The following TRIM9 variants were observed in gnomAD, a reference collection of about 807,000 sequenced individuals.
TRIM9 encodes tripartite motif containing 9, also known as E3 ubiquitin-protein ligase TRIM9.
A neutral mutation model predicts 78.3 loss-of-function variants in TRIM9; 26 were observed. The observed-to-expected ratio is 0.33, with a 90% CI of 0.24 to 0.46. The LOEUF (loss-of-function observed/expected upper bound fraction) is 0.46. TRIM9 is among the 20% of genes least tolerant of loss of function. The pLI is 1.00. For synonymous variants in TRIM9, 398 were observed against 416.5 expected (o/e 0.96, Z 0.54); for missense variants, 787 against 1,036.4 (o/e 0.76, Z 3.30).
At chr14:50,982,848 CGA>C (rs983699591) in intron 10 of TRIM9, 92 bp downstream of exon 10, 152 of 1,203,578 alleles carry the variant, frequency 1.3e-4, no homozygotes, top group Admixed American at 4.7e-4. Flanking sequence ...ATATCACACT[CGA>C]GAGATGTAAT....
At chr14:51,059,753 G>T (rs368713100) in intron 1 of TRIM9, among the ~76,000 whole-genome samples, 4 of 149,828 alleles carry the variant, frequency 2.7e-5, no homozygotes, top group Non-Finnish European at 4.4e-5. Flanking sequence ...AGCCAAGATC[G>T]TGCCACTGCA....
intron 1 of TRIM9, among the ~76,000 whole-genome samples, chr14:51,040,916 A>G (rs1209713804): frequency 6.6e-6 from 1 of 152,230 alleles, no homozygotes; most frequent in African/African-American, 2.4e-5. Flanking sequence ...CTGGCAAAGG[A>G]GAAACTCTCT....
At chr14:51,035,077 T>C (rs576021515) in intron 1 of TRIM9, among the ~76,000 whole-genome samples, 1 of 152,334 alleles carries the variant, frequency 6.6e-6, no homozygotes, top group Non-Finnish European at 1.5e-5. Flanking sequence ...AATAGATATA[T>C]GACATGACAA....
chr14:50,998,196 T>A lies in TRIM9; in HGVS notation c.1465-8A>T, dbSNP rs2054470711. 6.2e-7 allele frequency: 1 copy of A among 1,613,684 alleles called. No homozygotes were observed. Among genetic ancestry groups the A allele is most frequent in the African/African-American group, 1.3e-5 (1 of 74,844 alleles). On this transcript the variant is annotated splice_polypyrimidine_tract_variant and splice_region_variant and intron_variant, in intron 6 of 12. Transcript: ENST00000684578. ...CTTCCCCACATACACCTCCTGAGAG[T>A]CAGCAAAGAACAGGACAGCACTTAG...
intron 7 of TRIM9, among the ~76,000 whole-genome samples, chr14:50,992,220 G>A (rs2053602688): frequency 6.6e-6 from 1 of 152,196 alleles, no homozygotes; most frequent in African/African-American, 2.4e-5. Flanking sequence ...CAAGGTGACA[G>A]CATTTCTGGA....
chr14:51,007,993 A>AC (rs1343036952), intron 5 of TRIM9, among the ~76,000 whole-genome samples: 1 of 152,172 alleles, frequency 6.6e-6, no homozygotes, highest in Non-Finnish European at 1.5e-5. Context: ...TAAGAAACAA[A>AC]CCTTTTAAAG....
intron 7 of TRIM9, among the ~76,000 whole-genome samples, chr14:50,992,998 G>C (rs756906479): frequency 3.9e-4 from 60 of 152,122 alleles, no homozygotes; most frequent in Admixed American, 7.2e-4. Context: ...TCCCAGTTAG[G>C]ACAGGCAGGG....
At chr14:50,998,859 A>G (rs535067608) in intron 6 of TRIM9, among the ~76,000 whole-genome samples, 8 of 152,348 alleles carry the variant, frequency 5.3e-5, no homozygotes, top group African/African-American at 1.7e-4. Flanking sequence ...AGCTGTACAC[A>G]TTGCAAAATT....
intron 5 of TRIM9, among the ~76,000 whole-genome samples, chr14:51,001,472 G>A (rs944689213): frequency 1.3e-5 from 2 of 151,674 alleles, no homozygotes; most frequent in African/African-American, 4.8e-5. Context: ...CTCGTGATCC[G>A]CCCGCCTCTG....
At chr14:50,984,284 C>T (rs1252674085) in intron 8 of TRIM9, among the ~76,000 whole-genome samples, 1 of 152,108 alleles carries the variant, frequency 6.6e-6, no homozygotes, top group East Asian at 1.9e-4. Context: ...CCTTTATATG[C>T]TAATTCCTAA....
chr14:51,090,426 T>C (rs1228193382), intron 1 of TRIM9, among the ~76,000 whole-genome samples: 1 of 152,222 alleles, frequency 6.6e-6, no homozygotes, highest in East Asian at 1.9e-4. Flanking sequence ...GACAGTTTAT[T>C]TTAAAATATT....
At chr14:51,006,588 G>C (rs1014044557) in intron 5 of TRIM9, among the ~76,000 whole-genome samples, 1 of 152,068 alleles carries the variant, frequency 6.6e-6, no homozygotes, top group Non-Finnish European at 1.5e-5. Context: ...TGAGCACAAA[G>C]CAAAGCATAT....
At chr14:51,087,756 A>G (rs1040778719) in intron 1 of TRIM9, among the ~76,000 whole-genome samples, 5 of 152,242 alleles carry the variant, frequency 3.3e-5, no homozygotes, top group Admixed American at 3.3e-4. Flanking sequence ...TCCCCAGAGC[A>G]ATATTAAAGT....
chr14:51,006,273 C>T (rs2055785421), intron 5 of TRIM9, among the ~76,000 whole-genome samples: 1 of 152,184 alleles, frequency 6.6e-6, no homozygotes, highest in African/African-American at 2.4e-5. Flanking sequence ...TAATACCACT[C>T]CAAATGCTAC....
intron 11 of TRIM9, 98 bp downstream of exon 11, chr14:50,981,702 T>C (rs1229117717): frequency 1.3e-6 from 2 of 1,491,124 alleles, no homozygotes; most frequent in Non-Finnish European, 1.8e-6. Flanking sequence ...CTGTTTGATT[T>C]CCTGAATGTG....
chr14:51,025,452 C>T, intron 1 of TRIM9, 92 bp from the exon 2 acceptor site: 1 of 1,042,692 alleles, frequency 9.6e-7, no homozygotes, highest in Non-Finnish European at 1.4e-6. Context: ...CATCAACCTC[C>T]TCAGATTCCT....
chr14:51,035,629 GA>G, intron 1 of TRIM9, among the ~76,000 whole-genome samples: 1 of 152,320 alleles, frequency 6.6e-6, no homozygotes, highest in African/African-American at 2.4e-5. Flanking sequence ...CCACCCGGAA[GA>G]ACATGGTGGC....
chr14:51,044,885 T>C (rs577736415), intron 1 of TRIM9, among the ~76,000 whole-genome samples: 2 of 152,342 alleles, frequency 1.3e-5, no homozygotes, highest in South Asian at 2.1e-4. Context: ...GCAGTCATTT[T>C]TGTTTTGTTT....
chr14:51,071,167 A>G (rs760322167), intron 1 of TRIM9, among the ~76,000 whole-genome samples: 2 of 152,030 alleles, frequency 1.3e-5, no homozygotes, highest in Non-Finnish European at 2.9e-5. Flanking sequence ...ACCTGAGGTC[A>G]GGAGTTCAAA....
Sources: gnomAD v4.1 joint callset for allele counts (sites outside exome capture counted in the v4.1 genomes callset) on GRCh38, gnomAD v4.1.1 for gene constraint, MANE v1.5 for transcripts, NCBI Gene and HGNC (gene_info 2026-07-23, HGNC 2026-07-21) for gene names.